Variants in ROBO1 observed in about 807,000 individuals in gnomAD.
ROBO1 encodes the protein roundabout homolog 1.
In ROBO1, 149 loss-of-function variants were observed where a neutral mutation model predicts 195.9. The observed-to-expected ratio is 0.76, with a 90% CI of 0.67 to 0.87. ROBO1 has a LOEUF of 0.87. Among genes scored for constraint, ROBO1 ranks in the 40% least tolerant of loss-of-function variants. The pLI, the probability that ROBO1 is intolerant of heterozygous loss-of-function variation, is 0.00. For synonymous variants in ROBO1, 816 were observed against 733.2 expected, an observed-to-expected ratio of 1.11 and a Z score of -1.82; for missense variants, 1,933 against 2,068.3, an observed-to-expected ratio of 0.93 and a Z score of 1.27.
chr3:79,175,713 TCATATTTGGCCATGTGA>T (rs1435004498), intron 2 of ROBO1, among the ~76,000 whole-genome samples: 1 of 152,154 alleles, frequency 6.6e-6, no homozygotes, highest in South Asian at 2.1e-4. Flanking sequence ...GACACACACT[TCATATTTGGCCATGTGA>T]CATATTTGGC....
intron 3 of ROBO1, among the ~76,000 whole-genome samples, chr3:79,025,374 A>T (rs904673133): frequency 3.3e-5 from 5 of 152,072 alleles, no homozygotes; most frequent in African/African-American, 1.2e-4. Flanking sequence ...CACATCTAAG[A>T]TACTATATAT....
chr3:79,584,203 T>C (rs1264303690), intron 2 of ROBO1, among the ~76,000 whole-genome samples: 1 of 150,580 alleles, frequency 6.6e-6, no homozygotes, highest in Non-Finnish European at 1.5e-5. Context: ...ACATATATCA[T>C]ATATGCATAT....
At position 79,146,134 on chromosome 3, in the gene ROBO1, C is replaced by T. The variant is rs184858593; in HGVS notation, c.89-20595G>A. Among the ~76,000 whole-genome samples, 32 of 151,536 alleles carry T rather than the reference C, an allele frequency of 2.1e-4. No homozygotes were observed. The East Asian group carries it at 6.0e-3, about 29-fold the overall frequency. On this transcript the variant is annotated intron_variant, in intron 2 of 30. Coordinates refer to ENST00000464233, the MANE Select transcript of ROBO1 (RefSeq NM_002941.4). ...AATAATGGACATTTATTTCAAATACCAATAAAAGTGTCTGCTTTAAAAGCA... is the reference window on the plus strand; with the variant it reads ...AATAATGGACATTTATTTCAAATACTAATAAAAGTGTCTGCTTTAAAAGCA...
At chr3:79,656,753 T>G (rs1412286870) in intron 1 of ROBO1, among the ~76,000 whole-genome samples, 1 of 151,722 alleles carries the variant, frequency 6.6e-6, no homozygotes, top group African/African-American at 2.4e-5. Flanking sequence ...AAAAAATAGC[T>G]GAGCATGGTG....
intron 2 of ROBO1, among the ~76,000 whole-genome samples, chr3:79,243,728 T>C (rs533337902): frequency 1.3e-5 from 2 of 152,352 alleles, no homozygotes; most frequent in East Asian, 3.9e-4. Flanking sequence ...TTCTGGATAT[T>C]AGCCCTTTGT....
chr3:78,949,870 T>C (rs1223439094), intron 3 of ROBO1, among the ~76,000 whole-genome samples: 1 of 152,164 alleles, frequency 6.6e-6, no homozygotes, highest in African/African-American at 2.4e-5. Flanking sequence ...CAGACACTTC[T>C]CAAAAGAAGA....
At chr3:79,073,604 A>G (rs555239986) in intron 3 of ROBO1, among the ~76,000 whole-genome samples, 7 of 152,060 alleles carry the variant, frequency 4.6e-5, no homozygotes, top group African/African-American at 1.7e-4. Flanking sequence ...ATCAATATTC[A>G]GCCAGGACAT....
intron 19 of ROBO1, among the ~76,000 whole-genome samples, chr3:78,650,777 A>C (rs1185256366): frequency 1.3e-5 from 2 of 152,322 alleles, no homozygotes; most frequent in Non-Finnish European, 2.9e-5. Flanking sequence ...AATTTGTATA[A>C]TCTGCCATTT....
At chr3:79,226,195 T>G (rs569701185) in intron 2 of ROBO1, among the ~76,000 whole-genome samples, 3 of 152,278 alleles carry the variant, frequency 2.0e-5, no homozygotes, top group African/African-American at 7.2e-5. Flanking sequence ...GACACCTAAT[T>G]CCCTTGTCTT....
At chr3:79,428,205 C>A (rs1190299851) in intron 2 of ROBO1, among the ~76,000 whole-genome samples, 1 of 151,412 alleles carries the variant, frequency 6.6e-6, no homozygotes, top group Non-Finnish European at 1.5e-5. Context: ...AAAAGGTGTC[C>A]AATAGAGGTA....
chr3:79,299,341 T>C (rs2109052990), intron 2 of ROBO1, among the ~76,000 whole-genome samples: 1 of 152,274 alleles, frequency 6.6e-6, no homozygotes, highest in South Asian at 2.1e-4. Flanking sequence ...AAATCTCTGG[T>C]CTCCAAATTC....
intron 1 of ROBO1, among the ~76,000 whole-genome samples, chr3:79,721,071 C>T (rs1702681753): frequency 2.0e-5 from 3 of 152,170 alleles, no homozygotes; most frequent in South Asian, 4.1e-4. Context: ...GGATTACAGG[C>T]TTGAGCCACC....
intron 5 of ROBO1, among the ~76,000 whole-genome samples, chr3:78,739,171 G>A (rs188228086): frequency 5.3e-5 from 8 of 152,012 alleles, no homozygotes; most frequent in African/African-American, 1.9e-4. Context: ...GAAATAATTC[G>A]GGATAAATGA....
At chr3:79,569,129 C>T (rs911872395) in intron 2 of ROBO1, among the ~76,000 whole-genome samples, 1 of 111,344 alleles carries the variant, frequency 9.0e-6, no homozygotes. Context: ...CACACGCGCA[C>T]ACACACACAC....
At chr3:79,328,698 T>C (rs902054653) in intron 2 of ROBO1, among the ~76,000 whole-genome samples, 6 of 152,050 alleles carry the variant, frequency 3.9e-5, no homozygotes, top group Non-Finnish European at 8.8e-5. Context: ...TTAGTGGTAA[T>C]TTCTGAGATT....
intron 2 of ROBO1, among the ~76,000 whole-genome samples, chr3:79,167,136 T>A: frequency 7.5e-6 from 1 of 132,644 alleles, no homozygotes; most frequent in African/African-American, 3.4e-5. Context: ...ATACTGCTGA[T>A]AATATTGATT....
intron 2 of ROBO1, among the ~76,000 whole-genome samples, chr3:79,477,038 C>A (rs181089919): frequency 6.6e-6 from 1 of 151,752 alleles, no homozygotes; most frequent in African/African-American, 2.4e-5. Context: ...TGTGGCAGAA[C>A]GTCAAATTTC....
At chr3:79,295,766 T>C (rs2032556621) in intron 2 of ROBO1, among the ~76,000 whole-genome samples, 1 of 152,050 alleles carries the variant, frequency 6.6e-6, no homozygotes, top group Admixed American at 6.6e-5. Context: ...ACCGGTAAGA[T>C]AACAAACATG....
chr3:79,303,113 C>T lies in ROBO1; in HGVS notation c.89-177574G>A, dbSNP rs73122575. On this transcript the variant is annotated intron_variant, in intron 2 of 30. Coordinates refer to ENST00000464233, the MANE Select transcript of ROBO1 (RefSeq NM_002941.4). The stretch of plus-strand genomic sequence containing the variant: ...AATGTTTTAAAGTGTATCTACATTG[C>T]GGACTGACTAACTCTAGCTAATTAA... Among the ~76,000 whole-genome samples the T allele has an allele frequency of 5.9e-3, 879 of 149,192 alleles. 5 individuals carry two copies. The highest frequency in any genetic ancestry group is 9.6e-3 in the Non-Finnish European group (651 of 67,618).
Sources: allele counts gnomAD v4.1 joint callset (sites outside exome capture counted in the v4.1 genomes callset), GRCh38; gene constraint gnomAD v4.1.1; transcripts MANE v1.5; gene names NCBI Gene and HGNC (gene_info 2026-07-23, HGNC 2026-07-21).